Variants in TOX observed in about 807,000 individuals in gnomAD.
The protein encoded by TOX is thymocyte selection-associated high mobility group box protein TOX.
A neutral mutation model predicts 53.7 loss-of-function variants in TOX; 11 were observed. That is an observed-to-expected ratio of 0.20 (90% CI 0.13 to 0.34). The LOEUF is 0.34. Among genes scored for constraint, TOX ranks in the 10% least tolerant of loss-of-function variants. The probability of loss-of-function intolerance (pLI) is 1.00; values close to 1 mark genes in which losing one functional copy is unlikely to be tolerated. For synonymous variants in TOX, 225 were observed against 245.3 expected, an observed-to-expected ratio of 0.92 and a Z score of 0.77; for missense variants, 570 against 664.6, an observed-to-expected ratio of 0.86 and a Z score of 1.56.
chr8:58,821,217 T>G (rs1810269624), intron 6 of TOX, among the ~76,000 whole-genome samples: 1 of 152,140 alleles, frequency 6.6e-6, no homozygotes, highest in South Asian at 2.1e-4. Flanking sequence ...TAAAATTTCC[T>G]TATATCAAAG....
chr8:58,986,066 G>A (rs1813323189), intron 1 of TOX, among the ~76,000 whole-genome samples: 3 of 152,144 alleles, frequency 2.0e-5, no homozygotes, highest in Admixed American at 2.0e-4. Context: ...GCATGTTCTA[G>A]TCTGAGTGCA....
chr8:58,866,400 AT>A (rs1009957217), intron 3 of TOX, among the ~76,000 whole-genome samples: 7 of 152,226 alleles, frequency 4.6e-5, no homozygotes, highest in Non-Finnish European at 8.8e-5. Context: ...AGCCTCACAC[AT>A]TTTAATGCCA....
intron 1 of TOX, among the ~76,000 whole-genome samples, chr8:58,973,693 T>C (rs1277342974): frequency 6.6e-6 from 1 of 152,230 alleles, no homozygotes; most frequent in African/African-American, 2.4e-5. Flanking sequence ...AGTTTTGTTT[T>C]GGTTTTGTTT....
intron 3 of TOX, among the ~76,000 whole-genome samples, chr8:58,872,150 A>G (rs1157517448): frequency 6.6e-6 from 1 of 152,128 alleles, no homozygotes; most frequent in Non-Finnish European, 1.5e-5. Context: ...TGTTTGCTAG[A>G]AAAATACATA....
chr8:59,102,160 C>A (rs1804818517), intron 1 of TOX, among the ~76,000 whole-genome samples: 1 of 152,168 alleles, frequency 6.6e-6, no homozygotes, highest in South Asian at 2.1e-4. Context: ...CAAGGAGGAG[C>A]AAGTCACATC....
intron 3 of TOX, among the ~76,000 whole-genome samples, chr8:58,937,215 T>C (rs1348879637): frequency 2.0e-5 from 3 of 152,190 alleles, no homozygotes; most frequent in Non-Finnish European, 4.4e-5. Flanking sequence ...CTTCAAGAAC[T>C]AGAATAGCAA....
At chr8:58,906,191 T>C (rs779504333) in intron 3 of TOX, among the ~76,000 whole-genome samples, 4 of 152,122 alleles carry the variant, frequency 2.6e-5, no homozygotes, top group South Asian at 2.1e-4. Context: ...TTTCAAACAC[T>C]GTGTTTGGTC....
At chr8:58,974,701 C>T (rs1163667756) in intron 1 of TOX, among the ~76,000 whole-genome samples, 2 of 108,694 alleles carry the variant, frequency 1.8e-5, no homozygotes, top group Non-Finnish European at 4.7e-5. Context: ...ATTCTTCAAA[C>T]TACACATAAA....
intron 1 of TOX, among the ~76,000 whole-genome samples, chr8:58,966,296 A>G (rs1440045624): frequency 1.3e-5 from 2 of 152,222 alleles, no homozygotes; most frequent in Non-Finnish European, 2.9e-5. Context: ...CTGAAAGGAA[A>G]GAGACCAGAC....
intron 7 of TOX, among the ~76,000 whole-genome samples, chr8:58,811,959 T>C (rs1023161584): frequency 1.3e-5 from 2 of 152,210 alleles, no homozygotes; most frequent in African/African-American, 4.8e-5. Flanking sequence ...TATTGGAATA[T>C]GAGACACTAT....
intron 1 of TOX, among the ~76,000 whole-genome samples, chr8:59,022,187 A>T (rs1401530036): frequency 2.6e-5 from 4 of 152,200 alleles, no homozygotes; most frequent in African/African-American, 9.6e-5. Flanking sequence ...ATGATTTAGA[A>T]ACTCTAATCA....
intron 1 of TOX, among the ~76,000 whole-genome samples, chr8:59,067,469 C>A (rs772688949): frequency 7.9e-5 from 12 of 152,008 alleles, no homozygotes; most frequent in Non-Finnish European, 1.3e-4. Context: ...CACGAGAAAT[C>A]GCTTGAACCC....
At chr8:58,948,221 A>T (rs758548740) in intron 2 of TOX, among the ~76,000 whole-genome samples, 1 of 152,136 alleles carries the variant, frequency 6.6e-6, no homozygotes, top group Non-Finnish European at 1.5e-5. Context: ...CCCTGGGCTA[A>T]GCACCTGAAG....
intron 1 of TOX, among the ~76,000 whole-genome samples, chr8:59,038,338 G>A (rs1286700986): frequency 2.0e-5 from 3 of 152,164 alleles, no homozygotes; most frequent in Non-Finnish European, 4.4e-5. Flanking sequence ...TACAAGACTA[G>A]TAAGGCAGAT....
intron 1 of TOX, among the ~76,000 whole-genome samples, chr8:59,047,649 C>T (rs1320823945): frequency 6.6e-6 from 1 of 151,858 alleles, no homozygotes; most frequent in African/African-American, 2.4e-5. Context: ...TCATAGCACA[C>T]TAGAGCCTCA....
chr8:59,113,338 A>G (rs1340000851), intron 1 of TOX, among the ~76,000 whole-genome samples: 1 of 152,180 alleles, frequency 6.6e-6, no homozygotes, highest in African/African-American at 2.4e-5. Flanking sequence ...TATCAGTCAT[A>G]GTTATTTTTC....
At chr8:58,940,941 T>C (rs968396643) in intron 2 of TOX, among the ~76,000 whole-genome samples, 3 of 152,194 alleles carry the variant, frequency 2.0e-5, no homozygotes, top group Non-Finnish European at 2.9e-5. Flanking sequence ...ATCTGGAATT[T>C]AGACCTGGTC....
intron 3 of TOX, among the ~76,000 whole-genome samples, chr8:58,891,034 C>T (rs1187115909): frequency 6.6e-6 from 1 of 151,992 alleles, no homozygotes; most frequent in Non-Finnish European, 1.5e-5. Context: ...CTCTCTCCTC[C>T]CTGCATTTTT....
chr8:58,959,217 T>C (rs781100291), intron 2 of TOX, among the ~76,000 whole-genome samples: 1 of 152,212 alleles, frequency 6.6e-6, no homozygotes, highest in Non-Finnish European at 1.5e-5. Flanking sequence ...TATACTGGTA[T>C]CCAAGGGCAG....
Sources: allele counts gnomAD v4.1 joint callset (sites outside exome capture counted in the v4.1 genomes callset), GRCh38; gene constraint gnomAD v4.1.1; transcripts MANE v1.5; gene names NCBI Gene and HGNC (gene_info 2026-07-23, HGNC 2026-07-21).